Variants in TRIO observed in about 807,000 individuals in gnomAD.
TRIO encodes triple functional domain protein.
In TRIO, 58 loss-of-function variants were observed where a neutral mutation model predicts 351.9. That is an observed-to-expected ratio of 0.16 (90% CI 0.13 to 0.21). The LOEUF (loss-of-function observed/expected upper bound fraction) is 0.21. TRIO is among the 10% of genes least tolerant of loss of function. The probability of loss-of-function intolerance (pLI) is 1.00; values close to 1 mark genes in which losing one functional copy is unlikely to be tolerated. For synonymous variants in TRIO, 1,758 were observed against 1,595.7 expected, an observed-to-expected ratio of 1.10 and a Z score of -2.42; for missense variants, 3,201 against 4,027.8, an observed-to-expected ratio of 0.79 and a Z score of 5.56.
At chr5:14,428,891 G>C (rs1750863536) in intron 34 of TRIO, among the ~76,000 whole-genome samples, 1 of 152,200 alleles carries the variant, frequency 6.6e-6, no homozygotes, top group South Asian at 2.1e-4. Context: ...TGACTCATGG[G>C]CCAAGCAGGG....
intron 1 of TRIO, among the ~76,000 whole-genome samples, chr5:14,254,296 G>T (rs1233794581): frequency 1.3e-5 from 2 of 151,230 alleles, no homozygotes; most frequent in Admixed American, 1.3e-4. Flanking sequence ...CAATTCCCCT[G>T]CCTCAACCTC....
chr5:14,406,769 C>T, intron 33 of TRIO, 97 bp downstream of exon 33: 1 of 1,253,784 alleles, frequency 8.0e-7, no homozygotes, highest in Non-Finnish European at 1.1e-6. Context: ...TTGTCATCAA[C>T]ATTTTCAAGC....
rs60827656 is a variant in TRIO at position 14,202,294 on chromosome 5, ATTTTTTTTTTTTTTTTTTTTT to A, written c.157+58428_157+58448del. 2.7e-4 allele frequency among the ~76,000 whole-genome samples: 9 copies of A among 33,534 alleles called. 1 individual carries two copies. Among genetic ancestry groups the A allele is most frequent in the Admixed American group, 2.4e-3 (5 of 2,122 alleles). 22.0% of individuals were successfully genotyped at this position (33,534 alleles called of 152,430 possible). The stretch of plus-strand genomic sequence containing the variant: ...TTAAAACATTTTGAATATTTTTGTG[ATTTTTTTTTTTTTTTTTTTTT>A]TTTTTTTTTTTTTTTGCTCATCAGC... On this transcript the variant is annotated intron_variant, in intron 1 of 56. Transcript: ENST00000344204.
At chr5:14,331,235 G>A (rs1740879413) in intron 10 of TRIO, among the ~76,000 whole-genome samples, 2 of 152,188 alleles carry the variant, frequency 1.3e-5, no homozygotes, top group African/African-American at 4.8e-5. Flanking sequence ...ATAGTAGTAG[G>A]CTAAGCCTTA....
At chr5:14,372,888 T>C (rs1329934702) in intron 18 of TRIO, among the ~76,000 whole-genome samples, 1 of 152,176 alleles carries the variant, frequency 6.6e-6, no homozygotes, top group Non-Finnish European at 1.5e-5. Flanking sequence ...TCTCATGCGC[T>C]GTGAAGAAAT....
Position 14,492,777 on chromosome 5 carries a change from A to G in TRIO, c.7843A>G (p.Ser2615Gly). The change falls in exon 49 of 57, where the codon AGT (serine) becomes GGT (glycine). Residue 2615 changes from serine (S) to glycine (G), a missense_variant. Around this residue, in one of 19 missense-constraint regions of TRIO, gnomAD observed 1,089 missense variants for 954.9 expected, o/e 1.14. Coordinates refer to ENST00000344204, the MANE Select transcript of TRIO (RefSeq NM_007118.4). ...WIPGFVLGHT[S>G]AVIVENPDGT... ...TCCAGGCTTTGTCCTGGGCCACACC[A>G]GTGCAGTCATCGTGGAGAACCCGGA... 6.2e-7 allele frequency: 1 copy of G among 1,614,150 alleles called. No homozygotes were observed. Among genetic ancestry groups the G allele is most frequent in the Non-Finnish European group, 8.5e-7 (1 of 1,180,014 alleles).
chr5:14,272,179 T>C (rs1185835585), intron 2 of TRIO, among the ~76,000 whole-genome samples: 1 of 152,204 alleles, frequency 6.6e-6, no homozygotes, highest in Non-Finnish European at 1.5e-5. Flanking sequence ...ATTTTGTAGT[T>C]TACAAACAGA....
intron 31 of TRIO, among the ~76,000 whole-genome samples, chr5:14,403,385 G>A (rs111206296): frequency 1.0e-5 from 1 of 98,626 alleles, no homozygotes; most frequent in Non-Finnish European, 1.9e-5. Flanking sequence ...GGTGTAGGTT[G>A]TGAGGGTGTA....
intron 1 of TRIO, among the ~76,000 whole-genome samples, chr5:14,212,468 G>A (rs970523436): frequency 3.9e-5 from 6 of 152,206 alleles, no homozygotes; most frequent in Admixed American, 6.5e-5. Flanking sequence ...CTGCTCAAAC[G>A]TGCAGATGCT....
intron 21 of TRIO, among the ~76,000 whole-genome samples, chr5:14,385,688 T>C (rs761186854): frequency 6.6e-6 from 1 of 152,242 alleles, no homozygotes; most frequent in Non-Finnish European, 1.5e-5. Flanking sequence ...TTTTTTATCT[T>C]TGGAATTTTG....
At chr5:14,476,803 A>AG in intron 40 of TRIO, 91 bp from the exon 41 acceptor site, 1 of 1,143,982 alleles carries the variant, frequency 8.7e-7, no homozygotes, top group Non-Finnish European at 1.2e-6. Flanking sequence ...AAAAAAAAAA[A>AG]GAAAAAAAGA....
chr5:14,501,809 G>T (rs1327253090), intron 53 of TRIO, among the ~76,000 whole-genome samples: 2 of 152,192 alleles, frequency 1.3e-5, no homozygotes, highest in Non-Finnish European at 2.9e-5. Context: ...GGGAGAGGAG[G>T]CTGGATGAGT....
chr5:14,359,438 G>A lies in TRIO; in HGVS notation c.2298G>A (p.Glu766=). Residue 766 remains glutamate, a synonymous_variant, in exon 13 of 57, where the codon GAG becomes GAA. Transcript: ENST00000344204. ...AGACGGTGCTGCAGCAGCTGGACGA[G>A]GCGCAGTCGCAGATGGAGGAGCTCT... ...HIETVLQQLD[E]AQSQMEELFQ... 2 of 1,614,286 alleles carry A rather than the reference G, an allele frequency of 1.2e-6. No individual in the cohort carries two copies. Among genetic ancestry groups the A allele is most frequent in the Non-Finnish European group, 8.5e-7 (1 of 1,180,046 alleles).
intron 21 of TRIO, among the ~76,000 whole-genome samples, chr5:14,385,878 A>G (rs1017515113): frequency 6.6e-6 from 1 of 152,172 alleles, no homozygotes; most frequent in African/African-American, 2.4e-5. Context: ...CTGTGTCCCC[A>G]TCACTTAAAA....
At chr5:14,147,141 A>G (rs751905175) in intron 1 of TRIO, among the ~76,000 whole-genome samples, 1 of 152,156 alleles carries the variant, frequency 6.6e-6, no homozygotes, top group Non-Finnish European at 1.5e-5. Flanking sequence ...AACCAATTTC[A>G]ATGCAAGAGC....
intron 9 of TRIO, 30 bp from the exon 10 acceptor site, chr5:14,330,748 T>C (rs780041697): frequency 6.2e-7 from 1 of 1,610,178 alleles, no homozygotes; most frequent in South Asian, 1.1e-5. Flanking sequence ...ACATTGTTTT[T>C]ATGGCATATG....
intron 53 of TRIO, chr5:14,498,884 AG>A (rs1264269370): frequency 2.3e-6 from 1 of 432,404 alleles, no homozygotes; most frequent in Non-Finnish European, 3.9e-6. Flanking sequence ...TGCTGGGAGG[AG>A]GATGGGGGCC....
chr5:14,383,627 T>A (rs1272210628), intron 21 of TRIO, among the ~76,000 whole-genome samples: 1 of 152,266 alleles, frequency 6.6e-6, no homozygotes, highest in East Asian at 1.9e-4. Flanking sequence ...TATGTAGAAC[T>A]GTTTCTTTTG....
At chr5:14,145,607 T>C (rs1185014591) in intron 1 of TRIO, among the ~76,000 whole-genome samples, 2 of 152,124 alleles carry the variant, frequency 1.3e-5, no homozygotes, top group Admixed American at 6.5e-5. Context: ...AAGTCTAGCT[T>C]TCTCTCTACC....
Sources: allele counts gnomAD v4.1 joint callset (sites outside exome capture counted in the v4.1 genomes callset), GRCh38; gene constraint gnomAD v4.1.1; regional missense constraint gnomAD v4.1.1; transcripts MANE v1.5; gene names NCBI Gene and HGNC (gene_info 2026-07-23, HGNC 2026-07-21).